The following WDHD1 variants were observed in gnomAD, a reference collection of about 807,000 sequenced individuals.
WDHD1 encodes WD repeat and HMG-box DNA-binding protein 1.
A neutral mutation model predicts 135.4 loss-of-function variants in WDHD1; 111 were observed. That is an observed-to-expected ratio of 0.82 (90% CI 0.70 to 0.96). The LOEUF is 0.96. WDHD1 is among the 40% of genes least tolerant of loss of function. The pLI is 0.00. For synonymous variants in WDHD1, 434 were observed against 439.0 expected (o/e 0.99, Z 0.14); for missense variants, 1,351 against 1,336.3 (o/e 1.01, Z -0.17).
intron 10 of WDHD1, among the ~76,000 whole-genome samples, chr14:54,998,241 T>A (rs2041918264): frequency 6.6e-6 from 1 of 152,046 alleles, no homozygotes; most frequent in African/African-American, 2.4e-5. Context: ...GGACTGTGCC[T>A]CATATTTATG....
intron 16 of WDHD1, among the ~76,000 whole-genome samples, chr14:54,976,892 CAAAT>C: frequency 6.6e-6 from 1 of 152,032 alleles, no homozygotes. Context: ...ACATAATATA[CAAAT>C]AAATACATTT....
chr14:54,967,203 CA>C, intron 17 of WDHD1, 76 bp downstream of exon 17: 1 of 1,151,644 alleles, frequency 8.7e-7, no homozygotes, highest in Non-Finnish European at 1.3e-6. Flanking sequence ...TACTGGCCAT[CA>C]GGATAATTTT....
intron 24 of WDHD1, among the ~76,000 whole-genome samples, chr14:54,951,238 G>A (rs1267644674): frequency 6.6e-6 from 1 of 151,532 alleles, no homozygotes; most frequent in Non-Finnish European, 1.5e-5. Context: ...CAATAAAACT[G>A]ATAGACCGCT....
At chr14:54,981,075 C>A (rs1027962326) in intron 16 of WDHD1, among the ~76,000 whole-genome samples, 1 of 152,086 alleles carries the variant, frequency 6.6e-6, no homozygotes, top group Non-Finnish European at 1.5e-5. Context: ...CACGCCACTA[C>A]AATCCAGCCT....
chr14:54,980,441 G>C lies in WDHD1; in HGVS notation c.2063+1099C>G, dbSNP rs141263478. ...AAAAAGAAATCCCATGCCACACCCA[G>C]CCAATGTATCATTTTATACATATGC... On this transcript the variant is annotated intron_variant, in intron 16 of 25. Transcript: ENST00000360586. 5.3e-3 allele frequency among the ~76,000 whole-genome samples: 805 copies of C among 152,080 alleles called. 10 individuals are homozygous for C. The highest frequency in any genetic ancestry group is 0.018 in the African/African-American group (762 of 41,480).
intron 21 of WDHD1, among the ~76,000 whole-genome samples, chr14:54,959,807 A>G (rs1215184804): frequency 6.6e-6 from 1 of 152,102 alleles, no homozygotes; most frequent in East Asian, 1.9e-4. Flanking sequence ...AACAAAAAAA[A>G]CAAACAAAAA....
At chr14:54,966,146 G>C (rs1306531322) in intron 18 of WDHD1, among the ~76,000 whole-genome samples, 2 of 133,234 alleles carry the variant, frequency 1.5e-5, no homozygotes, top group Admixed American at 1.6e-4. Context: ...GGCCAACATA[G>C]GGAAACCCCA....
At chr14:55,006,539 A>G (rs951683407) in intron 7 of WDHD1, among the ~76,000 whole-genome samples, 1 of 151,998 alleles carries the variant, frequency 6.6e-6, no homozygotes, top group Non-Finnish European at 1.5e-5. Flanking sequence ...TCCCCAGTTG[A>G]TTTTCTTGGG....
Position 54,987,158 on chromosome 14 carries a change from C to T in WDHD1, c.1756G>A (p.Val586Ile). 1.9e-6 allele frequency: 3 copies of T among 1,613,946 alleles called. No individual in the cohort carries two copies. Among genetic ancestry groups the T allele is most frequent in the Non-Finnish European group, 2.5e-6 (3 of 1,179,936 alleles). Residue 586 changes from valine to isoleucine, a missense_variant, in exon 14 of 26, where the codon GTT (valine) becomes ATT (isoleucine). This residue lies in a region of WDHD1 where 1,330 missense variants were observed against 1,296.1 expected (regional missense o/e 1.03). Transcript: ENST00000360586. The part of the protein sequence containing the change: ...MAGHGEQLFI[V>I]YHRGTGFDGD... The stretch of plus-strand genomic sequence containing the variant: ...GAAAAAAATCTACCTCTGTGATAAA[C>T]AATGAAAAGCTGTTCTCCATGTCCT...
intron 2 of WDHD1, among the ~76,000 whole-genome samples, chr14:55,025,487 G>C (rs1269702353): frequency 1.3e-5 from 2 of 152,070 alleles, no homozygotes; most frequent in Non-Finnish European, 2.9e-5. Flanking sequence ...AGTGTGGAGG[G>C]GCAACCCGCC....
intron 2 of WDHD1, among the ~76,000 whole-genome samples, chr14:55,016,672 C>T (rs1015123940): frequency 6.6e-6 from 1 of 152,178 alleles, no homozygotes; most frequent in Non-Finnish European, 1.5e-5. Context: ...TGAAATGTGG[C>T]TAATGTGACA....
rs181315102 is a variant in WDHD1 at position 54,949,752 on chromosome 14, G to A, written c.3051-5282C>T. On this transcript the variant is annotated intron_variant, in intron 24 of 25. Coordinates refer to ENST00000360586, the MANE Select transcript of WDHD1 (RefSeq NM_007086.4). ...AAAAAATGTTCAGAGAGAAAGGTTA[G>A]GTTACCCACAAAGGGAAGCCCATCA... Among the ~76,000 whole-genome samples the A allele has an allele frequency of 2.8e-4, 43 of 152,298 alleles. No individual in the cohort carries two copies. In the East Asian group the frequency reaches 6.5e-3, roughly 23 times the overall value.
intron 12 of WDHD1, 66 bp from the exon 13 acceptor site, chr14:54,989,278 A>G: frequency 8.6e-7 from 1 of 1,157,580 alleles, no homozygotes; most frequent in Non-Finnish European, 1.2e-6. Context: ...AGTAAGCCAC[A>G]GTAGTACAAA....
In WDHD1 at chr14:54,995,712, A is replaced by G. The variant is rs1191637209; in HGVS notation, c.1044T>C (p.Ser348=). 1.9e-6 allele frequency: 3 copies of G among 1,613,722 alleles called. No individual in the cohort carries two copies. The Admixed American group carries it at 5.0e-5, about 27-fold the overall frequency. ...FLNDNAVEIP[S]FSKGIINDDE... ...CATCATTTATAATCCCTTTTGAAAAAGAAGGGATCTCAACTGCATTGTCAT... is the reference window on the plus strand; with the variant it reads ...CATCATTTATAATCCCTTTTGAAAAGGAAGGGATCTCAACTGCATTGTCAT... The change falls in exon 11 of 26, where the codon TCT becomes TCC. Residue 348 remains serine (S), a synonymous_variant. Coordinates refer to ENST00000360586, the MANE Select transcript of WDHD1 (RefSeq NM_007086.4).
At position 54,941,657 on chromosome 14, in the gene WDHD1, T is replaced by C. The variant is rs998125210; in HGVS notation, c.3223A>G (p.Ser1075Gly). 12 of 1,613,848 alleles carry C rather than the reference T, an allele frequency of 7.4e-6. No homozygotes were observed. Among genetic ancestry groups the C allele is most frequent in the Admixed American group, 6.7e-5 (4 of 60,018 alleles). ...CGCTTCTTTGCTTCAGTTCCTTCAC[T>C]TGCCGTTTCTCCTTTGGCTTTGTTA... Reference protein sequence around the residue: ...WANKAKGETASEGTEAKKRKR... With the variant: ...WANKAKGETAGEGTEAKKRKR... Residue 1075 changes from serine to glycine, a missense_variant, in exon 26 of 26, where the codon AGT (serine) becomes GGT (glycine). By Grantham distance (56) the Ser-to-Gly change is moderately conservative. Around this residue, in one of 2 missense-constraint regions of WDHD1, gnomAD observed 1,330 missense variants for 1,296.1 expected, o/e 1.03. Transcript: ENST00000360586.
intron 24 of WDHD1, among the ~76,000 whole-genome samples, chr14:54,952,010 T>G (rs1347518481): frequency 6.6e-6 from 1 of 152,104 alleles, no homozygotes; most frequent in South Asian, 2.1e-4. Flanking sequence ...TAAGAGCTAT[T>G]TATGACAAAC....
Position 54,966,562 on chromosome 14 carries a change from A to G in WDHD1, c.2223T>C (p.Tyr741=), listed in dbSNP as rs201783479. ...RSVIFHNHLD[Y]LAKNGYEYEE... is the part of the protein sequence containing the mutation. The stretch of plus-strand genomic sequence containing the variant: ...CATATTCATAACCATTTTTAGCTAA[A>G]TAATCAAGGTGGTTGTGAAATATAA... The change falls in exon 18 of 26, where the codon TAT becomes TAC. Residue 741 remains tyrosine, a synonymous_variant. Coordinates refer to ENST00000360586, the MANE Select transcript of WDHD1 (RefSeq NM_007086.4). 6.7e-5 allele frequency: 108 copies of G among 1,608,182 alleles called. No homozygotes were observed. Among genetic ancestry groups the G allele is most frequent in the African/African-American group, 6.7e-5 (5 of 74,592 alleles).
chr14:55,025,317 C>A (rs866042142), intron 2 of WDHD1, among the ~76,000 whole-genome samples: 28 of 150,842 alleles, frequency 1.9e-4, no homozygotes, highest in African/African-American at 6.6e-4. Flanking sequence ...GAGAAACACC[C>A]ACAAATGATG....
At chr14:54,960,820 T>C (rs1000901302) in intron 21 of WDHD1, among the ~76,000 whole-genome samples, 1 of 144,414 alleles carries the variant, frequency 6.9e-6, no homozygotes, top group Non-Finnish European at 1.5e-5. Context: ...TATTTTTTGA[T>C]ACAGGGTCTT....
Sources: allele counts gnomAD v4.1 joint callset (sites outside exome capture counted in the v4.1 genomes callset), GRCh38; gene constraint gnomAD v4.1.1; regional missense constraint gnomAD v4.1.1; transcripts MANE v1.5; gene names NCBI Gene and HGNC (gene_info 2026-07-23, HGNC 2026-07-21).